Variants in HTR4 observed in about 807,000 individuals in gnomAD.
The protein encoded by HTR4 is 5-hydroxytryptamine (serotonin) receptor 4, G protein-coupled.
A neutral mutation model predicts 36.8 loss-of-function variants in HTR4; 16 were observed. The ratio of observed to expected loss-of-function variants is 0.43; its 90% confidence interval spans 0.29 to 0.66. HTR4 has a LOEUF of 0.66. Among genes scored for constraint, HTR4 ranks in the 30% least tolerant of loss-of-function variants. The probability of loss-of-function intolerance (pLI) is 0.13; values close to 1 mark genes in which losing one functional copy is unlikely to be tolerated. For synonymous variants in HTR4, 189 were observed against 185.1 expected, an observed-to-expected ratio of 1.02 and a Z score of -0.17; for missense variants, 438 against 490.9, an observed-to-expected ratio of 0.89 and a Z score of 1.02.
chr5:148,509,046 C>T (rs1757362003), intron 6 of HTR4, among the ~76,000 whole-genome samples: 1 of 151,880 alleles, frequency 6.6e-6, no homozygotes, highest in Admixed American at 6.6e-5. Context: ...TAAAGTAACA[C>T]CTTTAAATAA....
chr5:148,540,192 A>C (rs1581446215), intron 4 of HTR4, among the ~76,000 whole-genome samples: 1 of 151,630 alleles, frequency 6.6e-6, no homozygotes, highest in East Asian at 1.9e-4. Context: ...AACACAAAAA[A>C]GGGAACAAAA....
At position 148,555,946 on chromosome 5, in the gene HTR4, T is replaced by TCACACACACA. The variant is rs60289333; in HGVS notation, c.27-5694_27-5685dup. Among the ~76,000 whole-genome samples, 569 of 149,844 alleles carry TCACACACACA rather than the reference T, an allele frequency of 3.8e-3. 1 individual carries two copies. Among genetic ancestry groups the TCACACACACA allele is most frequent in the Admixed American group, 5.2e-3 (78 of 15,078 alleles). ...AAAGGAAATCTTAGGTTATACTTTG[T>TCACACACACA]CACACACACACACACACACACACAC... On this transcript the variant is annotated intron_variant, in intron 2 of 6. Coordinates refer to ENST00000377888, the MANE Select transcript of HTR4 (RefSeq NM_000870.7).
At chr5:148,538,642 A>C (rs2113827723) in intron 4 of HTR4, among the ~76,000 whole-genome samples, 1 of 152,286 alleles carries the variant, frequency 6.6e-6, no homozygotes, top group South Asian at 2.1e-4. Context: ...CAAAAAGAAT[A>C]AAATGCCAGG....
At chr5:148,514,845 C>T (rs1007735270) in intron 5 of HTR4, among the ~76,000 whole-genome samples, 2 of 152,126 alleles carry the variant, frequency 1.3e-5, no homozygotes, top group Non-Finnish European at 2.9e-5. Context: ...TAGAGTAACA[C>T]CAACTTTCCT....
chr5:148,543,320 G>A (rs573141047), intron 4 of HTR4, among the ~76,000 whole-genome samples: 1 of 152,272 alleles, frequency 6.6e-6, no homozygotes, highest in South Asian at 2.1e-4. Context: ...AAAGAGGAGA[G>A]GGAAACAGAG....
At chr5:148,632,482 T>A (rs527625390) in intron 2 of HTR4, among the ~76,000 whole-genome samples, 62 of 152,156 alleles carry the variant, frequency 4.1e-4, no homozygotes, top group Middle Eastern at 3.4e-3. Context: ...AGCAAGAGGA[T>A]AGAGAGCTCA....
intron 1 of HTR4, among the ~76,000 whole-genome samples, chr5:148,643,864 G>A (rs1444704386): frequency 6.6e-6 from 1 of 152,142 alleles, no homozygotes; most frequent in Admixed American, 6.5e-5. Context: ...AGGCTTAGAG[G>A]CCAGAAAGCC....
intron 2 of HTR4, among the ~76,000 whole-genome samples, chr5:148,554,139 G>A (rs369388687): frequency 6.6e-6 from 1 of 152,094 alleles, no homozygotes; most frequent in African/African-American, 2.4e-5. Context: ...GCAATGGCGC[G>A]ATCTTGGCTC....
chr5:148,504,291 G>C lies in HTR4; in HGVS notation c.1076+5165C>G, dbSNP rs866781488. ...TAAAAGAAAGAAATTATAACAAACT[G>C]TCTCTCAGACCACAGTGCAATCAAA... On this transcript the variant is annotated intron_variant, in intron 6 of 6. Transcript: ENST00000377888. Among the ~76,000 whole-genome samples the C allele has an allele frequency of 2.3e-4, 35 of 152,218 alleles. 4 individuals are homozygous for C. In the Middle Eastern group the frequency reaches 0.037, roughly 163 times the overall value.
chr5:148,598,753 T>C (rs1353086103), intron 2 of HTR4, among the ~76,000 whole-genome samples: 1 of 152,156 alleles, frequency 6.6e-6, no homozygotes, highest in African/African-American at 2.4e-5. Flanking sequence ...TTTTTAGTAT[T>C]GTGTCAGACT....
chr5:148,476,725 A>G (rs1755710040), downstream of HTR4: 1 of 1,613,400 alleles, frequency 6.2e-7, no homozygotes, highest in African/African-American at 1.3e-5. Flanking sequence ...AATTGGCCAC[A>G]GTCCTCAAGG....
intron 2 of HTR4, among the ~76,000 whole-genome samples, chr5:148,577,141 A>T (rs571154171): frequency 2.2e-4 from 34 of 152,236 alleles, no homozygotes; most frequent in African/African-American, 7.5e-4. Context: ...CAACCCTATT[A>T]AAAAGTGGGC....
chr5:148,480,975 C>G (rs1755859633), downstream of HTR4, among the ~76,000 whole-genome samples: 3 of 152,328 alleles, frequency 2.0e-5, no homozygotes, highest in South Asian at 6.2e-4. Flanking sequence ...GAGAGATTCT[C>G]TCTGAGGTCT....
intron 5 of HTR4, among the ~76,000 whole-genome samples, chr5:148,514,360 CA>C (rs2113780218): frequency 6.6e-6 from 1 of 152,212 alleles, no homozygotes; most frequent in South Asian, 2.1e-4. Context: ...ACAAAATGAA[CA>C]TGTGGGTTTT....
Position 148,610,403 on chromosome 5 carries a change from T to C in HTR4, c.26+26586A>G, listed in dbSNP as rs547389711. On this transcript the variant is annotated intron_variant, in intron 2 of 6. Coordinates refer to ENST00000377888, the MANE Select transcript of HTR4 (RefSeq NM_000870.7). ...CGAGCAGCCTAACTGGGAGGCACCC[T>C]CCAGCAGGGGCACACTGACACCTCA... is the stretch of plus-strand genomic sequence containing the variant. Among the ~76,000 whole-genome samples, 9 of 152,230 alleles carry C rather than the reference T, an allele frequency of 5.9e-5. No homozygotes were observed. In the South Asian group the frequency reaches 8.3e-4, roughly 14 times the overall value.
intron 2 of HTR4, among the ~76,000 whole-genome samples, chr5:148,562,614 C>A (rs1760264478): frequency 6.6e-6 from 1 of 150,444 alleles, no homozygotes; most frequent in Non-Finnish European, 1.5e-5. Context: ...TTTTATCCCA[C>A]TAACTACTTT....
At chr5:148,510,669 T>G (rs928077360) in intron 5 of HTR4, among the ~76,000 whole-genome samples, 1 of 152,268 alleles carries the variant, frequency 6.6e-6, no homozygotes. Flanking sequence ...AGCTCATTAA[T>G]ATTTGAGAAC....
intron 5 of HTR4, among the ~76,000 whole-genome samples, chr5:148,454,332 TA>T (rs1203488715): frequency 6.6e-6 from 1 of 152,196 alleles, no homozygotes; most frequent in Non-Finnish European, 1.5e-5. Flanking sequence ...AAGCTAAAAT[TA>T]TTTTTTTTAC....
intron 2 of HTR4, among the ~76,000 whole-genome samples, chr5:148,577,155 G>A (rs538633119): frequency 1.3e-5 from 2 of 152,170 alleles, no homozygotes; most frequent in Admixed American, 6.6e-5. Flanking sequence ...AGTGGGCAAA[G>A]GACAGGGCCA....
Sources: allele counts gnomAD v4.1 joint callset (sites outside exome capture counted in the v4.1 genomes callset), GRCh38; gene constraint gnomAD v4.1.1; transcripts MANE v1.5; gene names NCBI Gene and HGNC (gene_info 2026-07-23, HGNC 2026-07-21).